RNF216: variants seen among roughly 807,000 people sequenced by gnomAD.
RNF216 encodes the protein E3 ubiquitin-protein ligase RNF216.
In RNF216, 72 loss-of-function variants were observed where a neutral mutation model predicts 110.8. The observed-to-expected ratio is 0.65, with a 90% CI of 0.54 to 0.79. RNF216 has a LOEUF of 0.79. Among genes scored for constraint, RNF216 ranks in the 30% least tolerant of loss-of-function variants. The probability of loss-of-function intolerance (pLI) is 0.00; values close to 1 mark genes in which losing one functional copy is unlikely to be tolerated. For missense variants in RNF216, 1,342 were observed against 1,141.2 expected (o/e 1.18, Z -2.54); for synonymous variants, 495 against 407.5 (o/e 1.21, Z -2.59).
At chr7:5,707,000 T>C (rs1792333333) in intron 13 of RNF216, among the ~76,000 whole-genome samples, 1 of 152,260 alleles carries the variant, frequency 6.6e-6, no homozygotes, top group Non-Finnish European at 1.5e-5. Flanking sequence ...CATGTGGATA[T>C]TCAGTTTACA....
chr7:5,671,827 AAAG>A (rs1174096094), intron 13 of RNF216, among the ~76,000 whole-genome samples: 4 of 150,942 alleles, frequency 2.7e-5, no homozygotes, highest in African/African-American at 4.9e-5. Flanking sequence ...AAAAAAAAAA[AAAG>A]GACAGAGAGA....
intron 16 of RNF216, 60 bp downstream of exon 16, chr7:5,623,996 G>T: frequency 6.9e-7 from 1 of 1,458,930 alleles, no homozygotes; most frequent in Non-Finnish European, 9.5e-7. Flanking sequence ...AGGGAGGCCA[G>T]CAGAAGCCTG....
intron 13 of RNF216, among the ~76,000 whole-genome samples, chr7:5,660,700 C>T (rs566946733): frequency 6.6e-6 from 1 of 152,164 alleles, no homozygotes; most frequent in African/African-American, 2.4e-5. Context: ...ACCTCAGCCT[C>T]CCAAGTAGCT....
At chr7:5,763,094 C>T (rs1218792828) in intron 1 of RNF216, among the ~76,000 whole-genome samples, 1 of 151,982 alleles carries the variant, frequency 6.6e-6, no homozygotes, top group Non-Finnish European at 1.5e-5. Flanking sequence ...GGGAAATGGA[C>T]TCATATGAGA....
intron 13 of RNF216, among the ~76,000 whole-genome samples, chr7:5,658,802 G>A (rs900100339): frequency 6.6e-5 from 10 of 151,860 alleles, no homozygotes; most frequent in Admixed American, 1.3e-4. Context: ...CACATGTAAC[G>A]TACAAATAAA....
In RNF216 at chr7:5,622,896, G is replaced by C. The variant is rs367627305; in HGVS notation, c.2736C>G (p.Pro912=). ...GCCGCGGCTGGGGGCCAAAGTGCAT[G>C]GGCAGGTTGTGCTCCAGGGGCATGT... ...PIHMPLEHNL[P]MHFGPQPRHR... The change falls in exon 17 of 17, where the codon CCC becomes CCG. Residue 912 remains proline (P), a synonymous_variant. Transcript: ENST00000389902. The C allele has an allele frequency of 8.1e-6, 13 of 1,611,192 alleles. No individual in the cohort carries two copies. In the African/African-American group the frequency reaches 1.6e-4, roughly 20 times the overall value.
chr7:5,668,259 G>A (rs1347275887), intron 13 of RNF216, among the ~76,000 whole-genome samples: 47 of 143,496 alleles, frequency 3.3e-4, no homozygotes, highest in African/African-American at 1.2e-3. Context: ...GTCTCGCTCC[G>A]TTGGCCCCGG....
chr7:5,742,589 T>C (rs1375583900), intron 3 of RNF216, among the ~76,000 whole-genome samples: 1 of 103,720 alleles, frequency 9.6e-6, no homozygotes, highest in Non-Finnish European at 1.8e-5. Context: ...GAAAAATCTT[T>C]TTTTTTTTTT....
chr7:5,643,269 G>A (rs1282796141), intron 14 of RNF216, among the ~76,000 whole-genome samples: 1 of 152,026 alleles, frequency 6.6e-6, no homozygotes, highest in Non-Finnish European at 1.5e-5. Flanking sequence ...CCAGAATGGA[G>A]TTTTATTATG....
intron 5 of RNF216, among the ~76,000 whole-genome samples, chr7:5,738,192 C>T (rs1203982046): frequency 6.7e-6 from 1 of 149,742 alleles, no homozygotes; most frequent in Non-Finnish European, 1.5e-5. Context: ...TTCAGGAAAA[C>T]TTATTTTTTA....
intron 13 of RNF216, among the ~76,000 whole-genome samples, chr7:5,701,959 G>A (rs1270477279): frequency 1.3e-5 from 2 of 152,222 alleles, no homozygotes; most frequent in Non-Finnish European, 2.9e-5. Context: ...ACTAACCCAG[G>A]AAGGCAGCTC....
intron 15 of RNF216, among the ~76,000 whole-genome samples, chr7:5,630,445 A>G (rs1359712410): frequency 2.0e-5 from 3 of 152,044 alleles, no homozygotes; most frequent in Non-Finnish European, 4.4e-5. Flanking sequence ...TGGCGTGATT[A>G]TAGCTCACTG....
intron 7 of RNF216, 47 bp from the exon 8 acceptor site, chr7:5,725,485 GA>G (rs1341484477): frequency 9.2e-7 from 1 of 1,083,408 alleles, no homozygotes; most frequent in South Asian, 1.3e-5. Context: ...TAGAAAATAA[GA>G]ATACACGAGA....
intron 1 of RNF216, among the ~76,000 whole-genome samples, chr7:5,763,024 T>G (rs4720643): frequency 0.98 from 149,458 of 152,276 alleles, 73,358 homozygotes; most frequent in Middle Eastern, 0.99. Flanking sequence ...ACAGAAGTTA[T>G]TGATGGGGCC....
intron 15 of RNF216, among the ~76,000 whole-genome samples, chr7:5,630,114 G>A (rs962824057): frequency 1.3e-5 from 2 of 152,050 alleles, no homozygotes; most frequent in African/African-American, 4.8e-5. Context: ...GGAGCCAGGG[G>A]CTGAGCTGGA....
intron 1 of RNF216, among the ~76,000 whole-genome samples, chr7:5,775,669 A>G (rs1053259534): frequency 2.6e-5 from 4 of 152,106 alleles, no homozygotes; most frequent in Non-Finnish European, 5.9e-5. Context: ...CAGGAGTTCA[A>G]GACCAGCCTG....
chr7:5,700,720 G>C (rs896481575), intron 13 of RNF216, among the ~76,000 whole-genome samples: 1 of 152,122 alleles, frequency 6.6e-6, no homozygotes, highest in African/African-American at 2.4e-5. Context: ...TTTTAGTAGA[G>C]ACCAAAAATA....
intron 1 of RNF216, chr7:5,780,412 G>A (rs1797015318): frequency 1.3e-5 from 2 of 152,146 alleles, no homozygotes; most frequent in African/African-American, 2.4e-5. Context: ...GAGGGTCCCG[G>A]AGAACATATC....
intron 5 of RNF216, among the ~76,000 whole-genome samples, chr7:5,731,283 T>G (rs1794074695): frequency 6.6e-6 from 1 of 152,242 alleles, no homozygotes; most frequent in Non-Finnish European, 1.5e-5. Flanking sequence ...AATTCATTAA[T>G]ACTTTTTATA....
Sources: allele counts gnomAD v4.1 joint callset (sites outside exome capture counted in the v4.1 genomes callset), GRCh38; gene constraint gnomAD v4.1.1; transcripts MANE v1.5; gene names NCBI Gene and HGNC (gene_info 2026-07-23, HGNC 2026-07-21).